TEAD1: variants seen among roughly 807,000 people sequenced by gnomAD.
The protein encoded by TEAD1 is TEA domain transcription factor 1, also known as transcriptional enhancer factor TEF-1.
Under a neutral mutation model 54.9 loss-of-function variants are expected in TEAD1, and 9 were observed. The observed-to-expected ratio is 0.16, with a 90% confidence interval of 0.10 to 0.29. The LOEUF is 0.29. TEAD1 is among the 10% of genes least tolerant of loss of function. The pLI is 1.00. For synonymous variants in TEAD1, 200 were observed against 187.8 expected (o/e 1.07, Z -0.53); for missense variants, 387 against 535.9 (o/e 0.72, Z 2.74).
chr11:12,867,469 T>A (rs1048324643), intron 5 of TEAD1, among the ~76,000 whole-genome samples: 4 of 152,156 alleles, frequency 2.6e-5, no homozygotes, highest in African/African-American at 9.7e-5. Flanking sequence ...CTGAGGGCAT[T>A]AGGACAGTCG....
At chr11:12,734,325 T>C (rs1590096978) in intron 2 of TEAD1, among the ~76,000 whole-genome samples, 1 of 152,320 alleles carries the variant, frequency 6.6e-6, no homozygotes, top group Non-Finnish European at 1.5e-5. Context: ...TATGTTTGTG[T>C]TTTTAAGCTA....
chr11:12,914,728 G>A (rs973500123), intron 10 of TEAD1, among the ~76,000 whole-genome samples: 4 of 152,242 alleles, frequency 2.6e-5, no homozygotes, highest in Admixed American at 6.5e-5. Flanking sequence ...TGCCTCTAGG[G>A]GCACTGTTGC....
Position 12,879,685 on chromosome 11 carries a change from G to T in TEAD1, c.331-23G>T, listed in dbSNP as rs1947927141. On this transcript the variant is annotated intron_variant, in intron 5 of 12. Transcript: ENST00000527636. ...GTAGCCATGCGTTATGTATTAAGTT[G>T]GTGTGTCACTGTCACCTTCAAGGAT... 21 of 1,614,052 alleles carry T rather than the reference G, an allele frequency of 1.3e-5. No homozygotes were observed. The East Asian group carries it at 4.5e-4, about 34-fold the overall frequency.
intron 2 of TEAD1, among the ~76,000 whole-genome samples, chr11:12,702,051 A>G (rs1943714215): frequency 6.6e-6 from 1 of 152,124 alleles, no homozygotes; most frequent in Admixed American, 6.5e-5. Flanking sequence ...TGATCTGCTC[A>G]CAGACTGTGT....
chr11:12,927,580 A>G (rs146449384), intron 11 of TEAD1, among the ~76,000 whole-genome samples: 1 of 152,324 alleles, frequency 6.6e-6, no homozygotes, highest in East Asian at 1.9e-4. Context: ...GAAAAACAAA[A>G]ACCTTGTTTG....
At chr11:12,719,949 G>GCTTTTTTTT (rs1944151199) in intron 2 of TEAD1, among the ~76,000 whole-genome samples, 1 of 39,988 alleles carries the variant, frequency 2.5e-5, no homozygotes, top group African/African-American at 5.6e-5. Flanking sequence ...GAAATCTAAT[G>GCTTTTTTTT]TTTTTTTTTT....
intron 3 of TEAD1, among the ~76,000 whole-genome samples, chr11:12,788,963 T>A (rs1352073540): frequency 6.6e-6 from 1 of 152,216 alleles, no homozygotes; most frequent in African/African-American, 2.4e-5. Context: ...TTGCCCACGC[T>A]GGTCTCAAGC....
intron 10 of TEAD1, among the ~76,000 whole-genome samples, chr11:12,912,959 G>A (rs1233154431): frequency 6.6e-6 from 1 of 152,098 alleles, no homozygotes; most frequent in Non-Finnish European, 1.5e-5. Context: ...TCCCTTCTGT[G>A]GCTACAGACT....
chr11:12,679,474 G>T (rs1316100977), intron 2 of TEAD1, among the ~76,000 whole-genome samples: 2 of 152,298 alleles, frequency 1.3e-5, no homozygotes, highest in Admixed American at 1.3e-4. Context: ...AGGTTTAGAT[G>T]TATGTGTAAA....
rs151189377 is a variant in TEAD1 at position 12,755,235 on chromosome 11, G to A, written c.-54-8944G>A. The stretch of plus-strand genomic sequence containing the variant: ...TTCTAGGCATTCCATCAGTCATGCA[G>A]CTGAGGGGACTTCTTGAAATGGTGT... On this transcript the variant is annotated intron_variant, in intron 2 of 12. Coordinates refer to ENST00000527636, the MANE Select transcript of TEAD1 (RefSeq NM_021961.6). Among the ~76,000 whole-genome samples the A allele has an allele frequency of 2.6e-5, 4 of 152,244 alleles. No individual in the cohort carries two copies. In the East Asian group the frequency reaches 7.7e-4, roughly 29 times the overall value.
chr11:12,862,511 A>T (rs1947526017), intron 4 of TEAD1, among the ~76,000 whole-genome samples, 197 bp downstream of exon 4: 1 of 152,190 alleles, frequency 6.6e-6, no homozygotes, highest in Non-Finnish European at 1.5e-5. Context: ...ATGTGGTCTT[A>T]CAAGTTCCTT....
intron 9 of TEAD1, among the ~76,000 whole-genome samples, chr11:12,892,588 G>A (rs1252549621): frequency 2.6e-5 from 4 of 152,196 alleles, no homozygotes; most frequent in Non-Finnish European, 5.9e-5. Flanking sequence ...AGGTTGCAGT[G>A]AGCTGAGATC....
At chr11:12,788,914 G>T (rs115852318) in intron 3 of TEAD1, among the ~76,000 whole-genome samples, 1,590 of 152,286 alleles carry the variant, frequency 0.01, 29 homozygotes, top group African/African-American at 0.037. Flanking sequence ...GGTTTGTTTT[G>T]TTTTAAGAGA....
At chr11:12,759,903 T>G (rs60113484) in intron 2 of TEAD1, among the ~76,000 whole-genome samples, 9,812 of 152,278 alleles carry the variant, frequency 0.064, 1,027 homozygotes, top group African/African-American at 0.22. Flanking sequence ...GACTTTTCTA[T>G]TCTCTTTCCT....
At chr11:12,730,861 C>T (rs571453134) in intron 2 of TEAD1, among the ~76,000 whole-genome samples, 142 of 151,884 alleles carry the variant, frequency 9.3e-4, no homozygotes, top group Non-Finnish European at 1.7e-3. Context: ...CCACCATGCC[C>T]GGCTAATTTT....
intron 10 of TEAD1, among the ~76,000 whole-genome samples, chr11:12,905,218 C>T (rs2134133138): frequency 6.6e-6 from 1 of 152,064 alleles, no homozygotes; most frequent in Admixed American, 6.5e-5. Context: ...CCAAAATTGC[C>T]CTTATTTTAC....
chr11:12,927,702 A>C (rs962578876), intron 11 of TEAD1, among the ~76,000 whole-genome samples: 1 of 152,098 alleles, frequency 6.6e-6, no homozygotes, highest in East Asian at 1.9e-4. Context: ...ATGTATTTCA[A>C]TAAGATTTTA....
chr11:12,765,308 T>C (rs1383603559), intron 3 of TEAD1, among the ~76,000 whole-genome samples: 2 of 152,186 alleles, frequency 1.3e-5, no homozygotes, highest in South Asian at 2.1e-4. Flanking sequence ...GGGAAGCAGA[T>C]GGCAGGTGTA....
intron 3 of TEAD1, among the ~76,000 whole-genome samples, chr11:12,768,233 A>G (rs550625167): frequency 1.5e-3 from 227 of 152,304 alleles, no homozygotes; most frequent in African/African-American, 5.2e-3. Context: ...GAGTTACCTT[A>G]CTTCTCTGTC....
Sources: gnomAD v4.1 joint callset for allele counts (sites outside exome capture counted in the v4.1 genomes callset) on GRCh38, gnomAD v4.1.1 for gene constraint, MANE v1.5 for transcripts, NCBI Gene and HGNC (gene_info 2026-07-23, HGNC 2026-07-21) for gene names.